The following SHROOM2 variants were observed in gnomAD, a reference collection of about 807,000 sequenced individuals.
SHROOM2 encodes the protein shroom family member 2.
Under a neutral mutation model 75.9 loss-of-function variants are expected in SHROOM2, and 33 were observed. The observed-to-expected ratio is 0.43, with a 90% CI of 0.33 to 0.58. The LOEUF (loss-of-function observed/expected upper bound fraction) is 0.58. Ranked by LOEUF, SHROOM2 falls within the 20% of genes least tolerant of loss-of-function variation. SHROOM2 has a pLI of 0.04. For missense variants in SHROOM2, 1,434 were observed against 1,461.2 expected, an observed-to-expected ratio of 0.98 and a Z score of 0.30; for synonymous variants, 655 against 663.6, an observed-to-expected ratio of 0.99 and a Z score of 0.20.
At chrX:9,914,597 A>G (rs748317925) in intron 5 of SHROOM2, among the ~76,000 whole-genome samples, 50 of 111,073 alleles carry the variant, frequency 4.5e-4, no homozygotes, top group African/African-American at 1.6e-3. Context: ...ACATCCTTGG[A>G]TGTCTGAAGA....
intron 5 of SHROOM2, among the ~76,000 whole-genome samples, chrX:9,899,072 C>T (rs181453429): frequency 1.9e-5 from 2 of 108,063 alleles, no homozygotes; most frequent in Admixed American, 2.0e-4. Flanking sequence ...GGTGAGATCC[C>T]ATCTCTACTA....
At chrX:9,919,324 CTTTTTTTTTTTTT>C (rs55905923) in intron 5 of SHROOM2, among the ~76,000 whole-genome samples, 1 of 32,468 alleles carries the variant, frequency 3.1e-5, no homozygotes, top group African/African-American at 1.3e-4. Context: ...GAGGAGGTTG[CTTTTTTTTTTTTT>C]TTTTTTTTTT....
At chrX:9,846,939 A>G (rs771547775) in intron 1 of SHROOM2, among the ~76,000 whole-genome samples, 8 of 112,302 alleles carry the variant, frequency 7.1e-5, no homozygotes, top group Non-Finnish European at 1.3e-4. Flanking sequence ...TCTGATGGCT[A>G]TGAAGGTTTG....
intron 1 of SHROOM2, among the ~76,000 whole-genome samples, chrX:9,839,279 C>T (rs966221028): frequency 1.8e-5 from 2 of 110,287 alleles, no homozygotes; most frequent in Non-Finnish European, 3.8e-5. Context: ...AGGGCAGAGA[C>T]GCGTTTTTTT....
chrX:9,819,424 T>A, intron 1 of SHROOM2: 2 of 415,712 alleles, frequency 4.8e-6, no homozygotes, highest in Non-Finnish European at 8.7e-6. Context: ...CAGGGCATCT[T>A]GTAATAGAAC....
chrX:9,827,024 T>C, intron 1 of SHROOM2, among the ~76,000 whole-genome samples: 1 of 110,032 alleles, frequency 9.1e-6, no homozygotes, highest in Non-Finnish European at 1.9e-5. Flanking sequence ...ATTCCTCCAG[T>C]GCAGTGGTGA....
chrX:9,885,954 A>G (rs1015701044), intron 2 of SHROOM2, among the ~76,000 whole-genome samples: 2 of 110,152 alleles, frequency 1.8e-5, no homozygotes, highest in African/African-American at 6.6e-5. Context: ...GCCTGTCAAA[A>G]AAAAAAAAAA....
chrX:9,923,242 C>T (rs754251417), intron 5 of SHROOM2, among the ~76,000 whole-genome samples: 31 of 110,768 alleles, frequency 2.8e-4, no homozygotes, highest in African/African-American at 8.6e-4. Context: ...TTAGCAGAGA[C>T]GAACTGGCCC....
chrX:9,932,227 C>G lies in SHROOM2; in HGVS notation c.2944C>G (p.Pro982Ala), dbSNP rs1271067710. 1 of 1,162,340 alleles carries G rather than the reference C, an allele frequency of 8.6e-7. No individual in the cohort carries two copies. The highest frequency in any genetic ancestry group is 2.6e-5 in the Admixed American group (1 of 38,467). Residue 982 changes from proline to alanine, a missense_variant, in exon 6 of 10, where the codon CCG (proline) becomes GCG (alanine). Pro to Ala is a conservative substitution (Grantham distance 27). Transcript: ENST00000380913. ...EGSPGSQQHP[P>A]SQKAPNPPTF... ...CAGCCCAGGATCACAGCAGCACCCACCGAGTCAGAAGGCACCGAACCCACC... is the reference window on the plus strand; with the variant it reads ...CAGCCCAGGATCACAGCAGCACCCAGCGAGTCAGAAGGCACCGAACCCACC...
intron 5 of SHROOM2, among the ~76,000 whole-genome samples, chrX:9,926,224 C>T (rs928150510): frequency 1.8e-5 from 2 of 112,254 alleles, no homozygotes; most frequent in African/African-American, 3.2e-5. Context: ...CGTCACATAG[C>T]TGGCACGTGA....
rs375569604 is a variant in SHROOM2, at chrX:9,814,696, A to G, written c.165+27986A>G. Among the ~76,000 whole-genome samples, 21 of 111,655 alleles carry G rather than the reference A, an allele frequency of 1.9e-4. No homozygotes were observed. In the East Asian group the frequency reaches 2.3e-3, roughly 12 times the overall value. ...CATGGGTCAGGGAAGGGATGTTGCCATTACAGGGGATGGGGAAGCTGTTCC... is the reference window on the plus strand; with the variant it reads ...CATGGGTCAGGGAAGGGATGTTGCCGTTACAGGGGATGGGGAAGCTGTTCC... On this transcript the variant is annotated intron_variant, in intron 1 of 9. Transcript: ENST00000380913.
chrX:9,808,401 G>C (rs994130074), intron 1 of SHROOM2, among the ~76,000 whole-genome samples: 1 of 101,962 alleles, frequency 9.8e-6, no homozygotes, highest in African/African-American at 3.5e-5. Context: ...AAAAAAATTA[G>C]CCAGGTGTGG....
intron 1 of SHROOM2, among the ~76,000 whole-genome samples, chrX:9,831,642 G>A (rs759573773): frequency 1.3e-4 from 15 of 112,282 alleles, no homozygotes; most frequent in Middle Eastern, 4.7e-3. Context: ...TGGGCAATGA[G>A]AGCAAAACTC....
At position 9,894,420 on chromosome X, in the gene SHROOM2, A is replaced by G. The variant is rs2084311580; in HGVS notation, c.512A>G (p.His171Arg). 3 of 1,207,389 alleles carry G rather than the reference A, an allele frequency of 2.5e-6. No homozygotes were observed. Among genetic ancestry groups the G allele is most frequent in the Non-Finnish European group, 3.4e-6 (3 of 894,671 alleles). Reference sequence around the variant, plus strand: ...ACGAACCTACAGCGCACCTTAGATCACTTCAGCTCCTTGGGGAGCGTTGAC... The same window carrying G: ...ACGAACCTACAGCGCACCTTAGATCGCTTCAGCTCCTTGGGGAGCGTTGAC... ...EQTNLQRTLD[H>R]FSSLGSVDSL... The change falls in exon 4 of 10, where the codon CAC becomes CGC. Residue 171 changes from histidine (H) to arginine (R), a missense_variant. Around this residue, in one of 3 missense-constraint regions of SHROOM2, gnomAD observed 1,340 missense variants for 1,338.3 expected, o/e 1.00. Coordinates refer to ENST00000380913, the MANE Select transcript of SHROOM2 (RefSeq NM_001649.4).
intron 1 of SHROOM2, among the ~76,000 whole-genome samples, chrX:9,816,580 CCTGCTGCTGCTGCTGCTG>C (rs112480338): frequency 2.0e-5 from 2 of 102,516 alleles, no homozygotes; most frequent in African/African-American, 7.2e-5. Flanking sequence ...AGCCTTACCC[CCTGCTGCTGCTGCTGCTG>C]CTGCTGCTGC....
intron 1 of SHROOM2, among the ~76,000 whole-genome samples, chrX:9,852,462 C>T (rs1402223444): frequency 8.9e-6 from 1 of 112,051 alleles, no homozygotes; most frequent in Non-Finnish European, 1.9e-5. Flanking sequence ...CCTTGAAGGT[C>T]TGCTCCGAGC....
chrX:9,818,473 G>T, intron 1 of SHROOM2: 1 of 236,648 alleles, frequency 4.2e-6, no homozygotes, highest in South Asian at 5.8e-5. Context: ...AGCTGATGAC[G>T]ACCTCTTCTT....
At chrX:9,829,985 T>C (rs1227377252) in intron 1 of SHROOM2, among the ~76,000 whole-genome samples, 1 of 110,290 alleles carries the variant, frequency 9.1e-6, no homozygotes, top group African/African-American at 3.3e-5. Flanking sequence ...CATTAGCTAA[T>C]GGTTTCAGAA....
At chrX:9,911,385 G>A (rs1015975748) in intron 5 of SHROOM2, among the ~76,000 whole-genome samples, 4 of 112,588 alleles carry the variant, frequency 3.6e-5, no homozygotes, top group Non-Finnish European at 7.5e-5. Flanking sequence ...AAATAGCAGT[G>A]ATACAGTATA....
Sources: allele counts gnomAD v4.1 joint callset (sites outside exome capture counted in the v4.1 genomes callset), GRCh38; gene constraint gnomAD v4.1.1; regional missense constraint gnomAD v4.1.1; transcripts MANE v1.5; gene names NCBI Gene and HGNC (gene_info 2026-07-23, HGNC 2026-07-21).